Variants in GSKIP observed in about 807,000 individuals in gnomAD.
GSKIP encodes the protein GSK3B-interacting protein.
Under a neutral mutation model 11.9 loss-of-function variants are expected in GSKIP, and 5 were observed. The observed-to-expected ratio is 0.42, with a 90% CI of 0.22 to 0.89. GSKIP has a LOEUF of 0.89. GSKIP is among the 40% of genes least tolerant of loss of function. The pLI is 0.29. For missense variants in GSKIP, 150 were observed against 166.6 expected (o/e 0.90, Z 0.55); for synonymous variants, 70 against 62.9 (o/e 1.11, Z -0.54).
At chr14:96,372,736 A>G (rs958869906) in intron 1 of GSKIP, among the ~76,000 whole-genome samples, 4 of 152,202 alleles carry the variant, frequency 2.6e-5, no homozygotes, top group African/African-American at 9.6e-5. Context: ...AATCCAGGTA[A>G]AGCCTGATGG....
At chr14:96,365,399 C>T (rs1414019211) in intron 1 of GSKIP, 1 of 139,990 alleles carries the variant, frequency 7.1e-6, no homozygotes, top group African/African-American at 2.7e-5. Flanking sequence ...CGCCCTGTCA[C>T]GGGAGAATGC....
In GSKIP at chr14:96,385,736, A is replaced by G. The variant is rs757661633; in HGVS notation, c.*52A>G. The G allele has an allele frequency of 7.0e-7, 1 of 1,423,270 alleles. No individual in the cohort carries two copies. The highest frequency in any genetic ancestry group is 1.3e-5 in the South Asian group (1 of 76,950). The allele number at this position is 1,423,270 out of a possible 1,614,324, so 88.2% of individuals were successfully genotyped here. A position where few individuals can be genotyped will look rare whatever the true frequency, so the allele number is the denominator to read the frequency against. ...GGTGCTGGTACAGAATGTTGATATA[A>G]AGCTTAAAATTCTTGCATATGGTCA... On this transcript the variant is annotated 3_prime_UTR_variant, in exon 4 of 4. Transcript: ENST00000555181.
At chr14:96,378,704 C>T (rs1054543343) in intron 1 of GSKIP, among the ~76,000 whole-genome samples, 1 of 152,170 alleles carries the variant, frequency 6.6e-6, no homozygotes, top group Non-Finnish European at 1.5e-5. Flanking sequence ...TCATGATCAC[C>T]CGAGCTCCAT....
Position 96,385,659 on chromosome 14 carries a change from C to G in GSKIP, c.395C>G (p.Ala132Gly). Residue 132 changes from alanine to glycine, a missense_variant, in exon 4 of 4, where the codon GCT (alanine) becomes GGT (glycine). By Grantham distance (60) the Ala-to-Gly change is moderately conservative. Transcript: ENST00000555181. Reference sequence around the variant, plus strand: ...AACGCACTGCTTCAAAGACTGGAAGCTTTGAAAAGAGATGGACAGTCATGA... The same window carrying G: ...AACGCACTGCTTCAAAGACTGGAAGGTTTGAAAAGAGATGGACAGTCATGA... The part of the protein sequence containing the change: ...FGNALLQRLE[A>G]LKRDGQS 1 of 1,612,754 alleles carries G rather than the reference C, an allele frequency of 6.2e-7. No homozygotes were observed. The highest frequency in any genetic ancestry group is 8.5e-7 in the Non-Finnish European group (1 of 1,179,528).
At chr14:96,379,531 C>A (rs1351876693) in intron 1 of GSKIP, among the ~76,000 whole-genome samples, 157 bp from the exon 2 acceptor site, 3 of 152,090 alleles carry the variant, frequency 2.0e-5, no homozygotes, top group African/African-American at 7.2e-5. Flanking sequence ...GTAATCATAC[C>A]TTAAAATAAT....
chr14:96,376,181 T>C (rs781157020), intron 1 of GSKIP, among the ~76,000 whole-genome samples: 2 of 152,178 alleles, frequency 1.3e-5, no homozygotes, highest in Admixed American at 1.3e-4. Flanking sequence ...TAAAAAGATA[T>C]TTGTATTTCC....
intron 1 of GSKIP, among the ~76,000 whole-genome samples, chr14:96,369,839 G>A (rs932818244): frequency 3.2e-4 from 48 of 152,268 alleles, no homozygotes; most frequent in African/African-American, 1.2e-3. Context: ...CTCCACTGGG[G>A]TATTGCCTAG....
intron 1 of GSKIP, among the ~76,000 whole-genome samples, chr14:96,377,381 G>T (rs1889230640): frequency 6.6e-6 from 1 of 152,156 alleles, no homozygotes; most frequent in East Asian, 1.9e-4. Flanking sequence ...TAACCTGATG[G>T]CAGTTCTAAA....
intron 1 of GSKIP, among the ~76,000 whole-genome samples, chr14:96,376,668 A>G (rs1372490493): frequency 9.2e-5 from 14 of 152,214 alleles, no homozygotes; most frequent in Admixed American, 9.2e-4. Context: ...GCCACTCACA[A>G]TTAAGTACAT....
At chr14:96,376,196 C>T (rs1351330313) in intron 1 of GSKIP, among the ~76,000 whole-genome samples, 1 of 152,148 alleles carries the variant, frequency 6.6e-6, no homozygotes, top group Non-Finnish European at 1.5e-5. Flanking sequence ...ATTTCCATTC[C>T]GAAGACCTTA....
rs1889470149 is a variant in GSKIP, at chr14:96,385,639, A to G, written c.375A>G (p.Ala125=). 1 of 1,613,510 alleles carries G rather than the reference A, an allele frequency of 6.2e-7. No individual in the cohort carries two copies. Among genetic ancestry groups the G allele is most frequent in the East Asian group, 2.2e-5 (1 of 44,888 alleles). Reference sequence around the variant, plus strand: ...CCTACCGAGAAGCATTTGGAAACGCACTGCTTCAAAGACTGGAAGCTTTGA... The same window carrying G: ...CCTACCGAGAAGCATTTGGAAACGCGCTGCTTCAAAGACTGGAAGCTTTGA... ...SPAYREAFGN[A]LLQRLEALKR... Residue 125 remains alanine, a synonymous_variant, in exon 4 of 4, where the codon GCA becomes GCG. Coordinates refer to ENST00000555181, the MANE Select transcript of GSKIP (RefSeq NM_016472.5).
chr14:96,374,071 T>C (rs1188731573), intron 1 of GSKIP, among the ~76,000 whole-genome samples: 2 of 152,166 alleles, frequency 1.3e-5, no homozygotes, highest in Non-Finnish European at 2.9e-5. Flanking sequence ...GGCAGGACAT[T>C]ATAACACTTA....
chr14:96,369,295 G>A (rs1251138023), intron 1 of GSKIP, among the ~76,000 whole-genome samples: 1 of 152,180 alleles, frequency 6.6e-6, no homozygotes, highest in African/African-American at 2.4e-5. Flanking sequence ...GAATTTAAAA[G>A]GAAAGCAGAG....
intron 3 of GSKIP, among the ~76,000 whole-genome samples, chr14:96,382,823 T>C (rs1889385736): frequency 6.6e-6 from 1 of 152,190 alleles, no homozygotes; most frequent in Non-Finnish European, 1.5e-5. Context: ...TTCTTTGCAT[T>C]GAATGGGTTT....
At position 96,386,585 on chromosome 14, in the gene GSKIP, T is replaced by TG. The variant is rs1339136931; in HGVS notation, c.*902dup. On this transcript the variant is annotated 3_prime_UTR_variant, in exon 4 of 4. Transcript: ENST00000555181. ...TTGCTTCAACGTTTACTTTCTATGA[T>TG]GTAGTGCTTTGGTATTCCTACAGCA... The TG allele has an allele frequency of 6.5e-6, 1 of 152,700 alleles. No individual in the cohort carries two copies. The highest frequency in any genetic ancestry group is 2.4e-5 in the African/African-American group (1 of 41,464). The allele number at this position is 152,700 out of a possible 1,614,324, so 9.5% of individuals were successfully genotyped here.
At chr14:96,384,552 A>G (rs1218186263) in intron 3 of GSKIP, 3 of 152,078 alleles carry the variant, frequency 2.0e-5, no homozygotes, top group Non-Finnish European at 2.9e-5. Context: ...GTGAACCATG[A>G]TATACCTTAT....
intron 1 of GSKIP, among the ~76,000 whole-genome samples, chr14:96,370,839 A>G (rs1443762506): frequency 6.6e-6 from 1 of 152,108 alleles, no homozygotes; most frequent in Admixed American, 6.5e-5. Flanking sequence ...AGCCTCACAT[A>G]TTTCTTTACA....
At chr14:96,382,615 T>C (rs956370647) in intron 3 of GSKIP, 110 bp downstream of exon 3, 13 of 621,852 alleles carry the variant, frequency 2.1e-5, no homozygotes, top group Non-Finnish European at 2.9e-5. Flanking sequence ...GGATATTCAG[T>C]AGCTTCCAAA....
In GSKIP at chr14:96,386,135, T is replaced by G. The variant is rs1388550738; in HGVS notation, c.*451T>G. The G allele has an allele frequency of 6.5e-6, 1 of 152,740 alleles. No individual in the cohort carries two copies. Among genetic ancestry groups the G allele is most frequent in the Non-Finnish European group, 1.5e-5 (1 of 68,104 alleles). 9.5% of individuals were successfully genotyped at this position (152,740 alleles called of 1,614,324 possible). ...TGTAGTAATTAATTGCTACCAGCCT[T>G]ATTGGAAACAAATTATCAACTAGTT... On this transcript the variant is annotated 3_prime_UTR_variant, in exon 4 of 4. Transcript: ENST00000555181.
Sources: allele counts gnomAD v4.1 joint callset (sites outside exome capture counted in the v4.1 genomes callset), GRCh38; gene constraint gnomAD v4.1.1; transcripts MANE v1.5; gene names NCBI Gene and HGNC (gene_info 2026-07-23, HGNC 2026-07-21).